IPO11: variants seen among roughly 807,000 people sequenced by gnomAD.
The protein encoded by IPO11 is importin-11.
A neutral mutation model predicts 143.2 loss-of-function variants in IPO11; 66 were observed. The observed-to-expected ratio is 0.46, with a 90% CI of 0.38 to 0.57. The LOEUF (loss-of-function observed/expected upper bound fraction) is 0.57, where lower values mean the gene tolerates loss of function less well. Among genes scored for constraint, IPO11 ranks in the 20% least tolerant of loss-of-function variants. The probability of loss-of-function intolerance (pLI) is 0.00; values close to 1 mark genes in which losing one functional copy is unlikely to be tolerated. For synonymous variants in IPO11, 385 were observed against 377.8 expected, an observed-to-expected ratio of 1.02 and a Z score of -0.22; for missense variants, 1,026 against 1,141.0, an observed-to-expected ratio of 0.90 and a Z score of 1.45.
intron 28 of IPO11, among the ~76,000 whole-genome samples, chr5:62,598,492 C>CTCTCTTTCTTTCTTTCTTTCTTTCTT (rs1745346452): frequency 3.6e-4 from 1 of 2,774 alleles, no homozygotes; most frequent in Non-Finnish European, 5.3e-4. Flanking sequence ...CTCTCTCTCT[C>CTCTCTTTCTTTCTTTCTTTCTTTCTT]TCTTTCTTTC....
At position 62,600,046 on chromosome 5, in the gene IPO11, T is replaced by G. The variant is rs192589180; in HGVS notation, c.2679-1718T>G. On this transcript the variant is annotated intron_variant, in intron 28 of 29. Coordinates refer to ENST00000325324, the MANE Select transcript of IPO11 (RefSeq NM_016338.5). ...ATTAATGTGATAAATCTTCTTTTTT[T>G]GGGGGTGGGGGAGACAGAATCTTGC... Among the ~76,000 whole-genome samples the G allele has an allele frequency of 3.3e-3, 507 of 152,206 alleles. 2 individuals are homozygous for G. Among genetic ancestry groups the G allele is most frequent in the East Asian group, 0.012 (61 of 5,174 alleles).
chr5:62,476,592 TAAAA>T, intron 8 of IPO11, 87 bp from the exon 9 acceptor site: 1 of 1,332,630 alleles, frequency 7.5e-7, no homozygotes. Context: ...TATGCAAAAA[TAAAA>T]CCAGCAATAT....
intron 1 of IPO11, among the ~76,000 whole-genome samples, chr5:62,431,814 G>A (rs910953761): frequency 1.1e-4 from 17 of 152,104 alleles, no homozygotes; most frequent in Admixed American, 9.2e-4. Context: ...GGTGGTGCCC[G>A]CCTATAATCC....
intron 29 of IPO11, among the ~76,000 whole-genome samples, chr5:62,611,063 A>T (rs1034596480): frequency 6.6e-6 from 1 of 152,214 alleles, no homozygotes; most frequent in African/African-American, 2.4e-5. Context: ...TTTCTAGATG[A>T]TACACTGAAA....
At chr5:62,534,836 A>G (rs994368257) in intron 22 of IPO11, among the ~76,000 whole-genome samples, 32 of 152,264 alleles carry the variant, frequency 2.1e-4, no homozygotes, top group Non-Finnish European at 3.8e-4. Flanking sequence ...AACCATAGAC[A>G]TAAATTACTC....
intron 26 of IPO11, among the ~76,000 whole-genome samples, chr5:62,556,010 A>G (rs981430015): frequency 6.6e-6 from 1 of 152,186 alleles, no homozygotes; most frequent in African/African-American, 2.4e-5. Flanking sequence ...ATTTGGGTCC[A>G]TATCAACATT....
At chr5:62,589,638 T>A (rs1222165286) in intron 27 of IPO11, among the ~76,000 whole-genome samples, 1 of 152,194 alleles carries the variant, frequency 6.6e-6, no homozygotes, top group Admixed American at 6.5e-5. Context: ...TCTTGGCTCC[T>A]CACCAACAAT....
intron 29 of IPO11, among the ~76,000 whole-genome samples, chr5:62,626,139 C>T (rs150272263): frequency 0.034 from 5,223 of 152,256 alleles, 137 homozygotes; most frequent in South Asian, 0.072. Context: ...AGGCGATTCT[C>T]CTGCCTCAGC....
chr5:62,589,629 C>G (rs998599561), intron 27 of IPO11, among the ~76,000 whole-genome samples: 1 of 152,172 alleles, frequency 6.6e-6, no homozygotes, highest in Non-Finnish European at 1.5e-5. Context: ...GTGGAGTGAT[C>G]TTGGCTCCTC....
intron 21 of IPO11, among the ~76,000 whole-genome samples, chr5:62,528,990 C>G (rs1432906335): frequency 6.6e-6 from 1 of 152,060 alleles, no homozygotes; most frequent in Admixed American, 6.6e-5. Flanking sequence ...CAAAAACAAC[C>G]TTTGGCTTTG....
intron 24 of IPO11, among the ~76,000 whole-genome samples, chr5:62,544,216 C>T (rs1303685708): frequency 6.6e-6 from 1 of 152,134 alleles, no homozygotes; most frequent in Non-Finnish European, 1.5e-5. Context: ...AAAATACCGT[C>T]AAACCGAATC....
At chr5:62,421,231 A>G (rs924173716) in intron 1 of IPO11, among the ~76,000 whole-genome samples, 3 of 152,196 alleles carry the variant, frequency 2.0e-5, no homozygotes, top group African/African-American at 7.2e-5. Flanking sequence ...TTGATTCACA[A>G]GGGTTCCTTG....
At chr5:62,585,201 A>G (rs915634143) in intron 27 of IPO11, among the ~76,000 whole-genome samples, 2 of 152,050 alleles carry the variant, frequency 1.3e-5, no homozygotes, top group African/African-American at 2.4e-5. Flanking sequence ...ATAAGTTGGT[A>G]TTTTTGTCTG....
chr5:62,572,535 ATATTTGTTTGTTTATTTATT>A (rs1561368222), intron 27 of IPO11, among the ~76,000 whole-genome samples: 1 of 137,428 alleles, frequency 7.3e-6, no homozygotes, highest in East Asian at 2.2e-4. Context: ...GTGTATATGT[ATATTTGTTTGTTTATTTATT>A]TATTTATTTA....
rs560627465 is a variant in IPO11, at chr5:62,417,843, C to T, written c.-7+4914C>T. ...ACGTTGTGTATTTCAACCTTCCTGA[C>T]ATTGTTTTCCTCCTATGAGCCATGC... is the stretch of plus-strand genomic sequence containing the variant. On this transcript the variant is annotated intron_variant, in intron 1 of 29. Transcript: ENST00000325324. 2.0e-5 allele frequency among the ~76,000 whole-genome samples: 3 copies of T among 152,306 alleles called. No homozygotes were observed. In the South Asian group the frequency reaches 6.2e-4, roughly 32 times the overall value.
intron 27 of IPO11, chr5:62,579,757 T>C: frequency 1.9e-6 from 3 of 1,545,310 alleles, no homozygotes; most frequent in East Asian, 2.4e-5. Flanking sequence ...CTTTGTTCAA[T>C]TGAGGCATCT....
At chr5:62,612,513 C>G (rs542953034) in intron 29 of IPO11, among the ~76,000 whole-genome samples, 5 of 152,222 alleles carry the variant, frequency 3.3e-5, no homozygotes, top group South Asian at 2.1e-4. Context: ...GAAATAGATA[C>G]GAGAATCCGG....
At chr5:62,467,955 G>C (rs1745627071) in intron 6 of IPO11, among the ~76,000 whole-genome samples, 1 of 151,656 alleles carries the variant, frequency 6.6e-6, no homozygotes, top group Non-Finnish European at 1.5e-5. Flanking sequence ...TTTGTTTTTT[G>C]TTTTTTTGGA....
In IPO11 at chr5:62,538,042, T is replaced by TG. The variant is rs1169080135; in HGVS notation, c.2250+753_2250+754insG. ...TATAATAAAATAAATATAAAATTGA[T>TG]TAAAAAAAAGTACCTTTATTTTTAG... On this transcript the variant is annotated intron_variant, in intron 24 of 29. Transcript: ENST00000325324. Among the ~76,000 whole-genome samples, 199 of 152,218 alleles carry TG rather than the reference T, an allele frequency of 1.3e-3. 1 individual carries two copies. The highest frequency in any genetic ancestry group is 4.3e-3 in the African/African-American group (179 of 41,568).
Sources: gnomAD v4.1 joint callset for allele counts (sites outside exome capture counted in the v4.1 genomes callset) on GRCh38, gnomAD v4.1.1 for gene constraint, MANE v1.5 for transcripts, NCBI Gene and HGNC (gene_info 2026-07-23, HGNC 2026-07-21) for gene names.